Variants in VPS26A observed in about 807,000 individuals in gnomAD.
The protein encoded by VPS26A is vacuolar protein sorting-associated protein 26A.
A neutral mutation model predicts 42.4 loss-of-function variants in VPS26A; 22 were observed. That is an observed-to-expected ratio of 0.52 (90% CI 0.37 to 0.74). The LOEUF (loss-of-function observed/expected upper bound fraction) is 0.74, where lower values mean the gene tolerates loss of function less well. VPS26A is among the 30% of genes least tolerant of loss of function. VPS26A has a pLI of 0.00. For synonymous variants in VPS26A, 110 were observed against 123.5 expected (o/e 0.89, Z 0.73); for missense variants, 276 against 379.2 (o/e 0.73, Z 2.26).
At chr10:69,143,410 A>C (rs73274630) in intron 2 of VPS26A, among the ~76,000 whole-genome samples, 5,838 of 152,206 alleles carry the variant, frequency 0.038, 387 homozygotes, top group African/African-American at 0.13. Flanking sequence ...TGGATCTTGG[A>C]GGTCTGACAT....
At chr10:69,139,257 C>G (rs1467159355) in intron 2 of VPS26A, among the ~76,000 whole-genome samples, 1 of 151,970 alleles carries the variant, frequency 6.6e-6, no homozygotes, top group Non-Finnish European at 1.5e-5. Flanking sequence ...GTTAGTTTTT[C>G]TGAATAATCT....
intron 2 of VPS26A, among the ~76,000 whole-genome samples, chr10:69,151,279 A>AAAAAAAAAAAAAAAAC (rs1841306968): frequency 9.4e-6 from 1 of 106,368 alleles, no homozygotes; most frequent in Admixed American, 8.9e-5. Context: ...AAAAAAAAAA[A>AAAAAAAAAAAAAAAAC]AAAACACACA....
chr10:69,124,205 G>T lies in VPS26A; in HGVS notation c.-73G>T. 7.9e-7 allele frequency: 1 copy of T among 1,266,030 alleles called. No individual in the cohort carries two copies. The allele number at this position is 1,266,030 out of a possible 1,614,324, so 78.4% of individuals were successfully genotyped here. On this transcript the variant is annotated 5_prime_UTR_variant, in exon 1 of 9. Coordinates refer to ENST00000263559, the MANE Select transcript of VPS26A (RefSeq NM_004896.5). ...GGTCACGTGACGGAGCGCCGGAGCG[G>T]AGGGAGCCGGGGCTGGGAGTTCTCC...
intron 2 of VPS26A, among the ~76,000 whole-genome samples, chr10:69,144,659 A>G (rs1035525302): frequency 3.5e-4 from 53 of 151,372 alleles, no homozygotes; most frequent in African/African-American, 1.2e-3. Flanking sequence ...GGATGTACCA[A>G]TGTTTGTTTA....
In VPS26A at chr10:69,158,180, C is replaced by T; in HGVS notation, c.520C>T (p.Leu174=). The T allele has an allele frequency of 1.2e-6, 2 of 1,602,434 alleles. No homozygotes were observed. The highest frequency in any genetic ancestry group is 1.7e-6 in the Non-Finnish European group (2 of 1,176,038). The change falls in exon 5 of 9, where the codon CTA becomes TTA. Residue 174 remains leucine (L), a synonymous_variant. Coordinates refer to ENST00000263559, the MANE Select transcript of VPS26A (RefSeq NM_004896.5). ...GATGGAAGTGGGCATTGAAGATTGT[C>T]TACATATAGAATTTGAATATAATAA... The part of the protein sequence containing the change: ...IKMEVGIEDC[L]HIEFEYNKSK...
intron 2 of VPS26A, among the ~76,000 whole-genome samples, chr10:69,142,903 G>C (rs1296131939): frequency 6.6e-6 from 1 of 152,154 alleles, no homozygotes; most frequent in African/African-American, 2.4e-5. Flanking sequence ...AAAGAATTTT[G>C]CAGAACTGGT....
At chr10:69,142,477 A>G (rs891509685) in intron 2 of VPS26A, among the ~76,000 whole-genome samples, 43 of 152,086 alleles carry the variant, frequency 2.8e-4, no homozygotes, top group African/African-American at 9.7e-4. Context: ...TATAGGCATG[A>G]GCCACTGTGC....
At chr10:69,153,560 A>G (rs1260279007) in intron 2 of VPS26A, among the ~76,000 whole-genome samples, 2 of 149,828 alleles carry the variant, frequency 1.3e-5, no homozygotes, top group Non-Finnish European at 3.0e-5. Flanking sequence ...ATATTGTCCA[A>G]GCTCGTCTTG....
At chr10:69,144,819 G>A (rs1340454307) in intron 2 of VPS26A, among the ~76,000 whole-genome samples, 2 of 151,748 alleles carry the variant, frequency 1.3e-5, no homozygotes, top group Non-Finnish European at 2.9e-5. Context: ...GTCTATGTAT[G>A]TATCATAAAT....
chr10:69,127,501 C>G (rs1377260562), intron 1 of VPS26A, among the ~76,000 whole-genome samples: 3 of 150,192 alleles, frequency 2.0e-5, no homozygotes, highest in South Asian at 4.2e-4. Flanking sequence ...TGCAGTGAGC[C>G]GAGCTAGCGC....
At position 69,174,213 on chromosome 10, in the gene VPS26A, C is replaced by A. The variant is rs1841882748; in HGVS notation, c.*2944C>A. 1.7e-5 allele frequency among the ~76,000 whole-genome samples: 1 copy of A among 57,766 alleles called. No individual in the cohort carries two copies. The highest frequency in any genetic ancestry group is 1.6e-4 in the Admixed American group (1 of 6,144). The allele number at this position is 57,766 out of a possible 152,430, so 37.9% of individuals were successfully genotyped here. A position where few individuals can be genotyped will look rare whatever the true frequency, so the allele number is the denominator to read the frequency against. ...TAACACTCAAGGCGAAGGTCCACGGCTCCGTTAAGTCAGCGAGACCGCAAA... is the reference window on the plus strand; with the variant it reads ...TAACACTCAAGGCGAAGGTCCACGGATCCGTTAAGTCAGCGAGACCGCAAA... On this transcript the variant is annotated 3_prime_UTR_variant, in exon 9 of 9. Transcript: ENST00000263559.
In VPS26A at chr10:69,157,280, A is replaced by C. The variant is rs534095630; in HGVS notation, c.386+117A>C. The C allele has an allele frequency of 7.4e-6, 10 of 1,343,098 alleles. No individual in the cohort carries two copies. In the East Asian group the frequency reaches 2.4e-4, roughly 33 times the overall value. 83.2% of individuals were successfully genotyped at this position (1,343,098 alleles called of 1,614,324 possible). On this transcript the variant is annotated intron_variant, in intron 4 of 8. Transcript: ENST00000263559. ...TGTATTGGAAGATTTAAGATTTTTAAAAATTCTGTCACATACTTTGGCTAA... is the reference window on the plus strand; with the variant it reads ...TGTATTGGAAGATTTAAGATTTTTACAAATTCTGTCACATACTTTGGCTAA...
chr10:69,165,133 G>A lies in VPS26A; in HGVS notation c.659-909G>A, dbSNP rs576860029. Among the ~76,000 whole-genome samples the A allele has an allele frequency of 2.0e-5, 3 of 152,112 alleles. No homozygotes were observed. The South Asian group carries it at 6.2e-4, about 32-fold the overall frequency. ...AGTAGAGACGGGGTTTCACCGTGTT[G>A]CCTAGGCTGGTCTCGAACTCCTGAG... On this transcript the variant is annotated intron_variant, in intron 6 of 8. Transcript: ENST00000263559.
At chr10:69,142,151 G>A (rs1452966156) in intron 2 of VPS26A, among the ~76,000 whole-genome samples, 2 of 150,336 alleles carry the variant, frequency 1.3e-5, no homozygotes, top group Non-Finnish European at 1.5e-5. Flanking sequence ...CCAAAGTGCT[G>A]GGATTATAGG....
At chr10:69,151,282 A>AACACAC (rs1554854472) in intron 2 of VPS26A, among the ~76,000 whole-genome samples, 9 of 136,818 alleles carry the variant, frequency 6.6e-5, no homozygotes, top group African/African-American at 2.7e-4. Context: ...AAAAAAAAAA[A>AACACAC]ACACACACAC....
At chr10:69,167,450 A>G (rs28564032) in intron 7 of VPS26A, among the ~76,000 whole-genome samples, 3 of 118,622 alleles carry the variant, frequency 2.5e-5, no homozygotes, top group African/African-American at 1.1e-4. Context: ...AAAAGAAAAA[A>G]AAAAGCCAGG....
chr10:69,155,589 G>T (rs1436198448), intron 2 of VPS26A, among the ~76,000 whole-genome samples: 1 of 152,120 alleles, frequency 6.6e-6, no homozygotes, highest in Non-Finnish European at 1.5e-5. Flanking sequence ...TAACAAAGCA[G>T]ACTTTATGTT....
chr10:69,128,356 C>T (rs1840706038), intron 1 of VPS26A, among the ~76,000 whole-genome samples: 1 of 151,676 alleles, frequency 6.6e-6, no homozygotes, highest in South Asian at 2.1e-4. Flanking sequence ...CTCAGCCTCC[C>T]GCATAGCTGG....
At chr10:69,165,726 C>T (rs1841671029) in intron 6 of VPS26A, among the ~76,000 whole-genome samples, 1 of 151,982 alleles carries the variant, frequency 6.6e-6, no homozygotes, top group Admixed American at 6.6e-5. Context: ...GGGAAGATTG[C>T]TTGAGTTCAG....
Sources: gnomAD v4.1 joint callset for allele counts (sites outside exome capture counted in the v4.1 genomes callset) on GRCh38, gnomAD v4.1.1 for gene constraint, MANE v1.5 for transcripts, NCBI Gene and HGNC (gene_info 2026-07-23, HGNC 2026-07-21) for gene names.